The following UPK3A variants were observed in gnomAD, a reference collection of about 807,000 sequenced individuals.
UPK3A encodes the protein uroplakin 3A, also known as uroplakin-3a.
UPK3A carries 32 observed loss-of-function variants against 27.6 expected under a neutral mutation model. The ratio of observed to expected loss-of-function variants is 1.16; its 90% CI spans 0.87 to 1.55. The LOEUF is 1.55. Among genes scored for constraint, UPK3A ranks in the 40% most tolerant of loss-of-function variants. UPK3A has a pLI of 0.00. For synonymous variants in UPK3A, 171 were observed against 163.9 expected, an observed-to-expected ratio of 1.04 and a Z score of -0.33; for missense variants, 370 against 367.9, an observed-to-expected ratio of 1.01 and a Z score of -0.05.
intron 4 of UPK3A, among the ~76,000 whole-genome samples, chr22:45,291,567 CGTGT>C (rs2084161449): frequency 8.3e-6 from 1 of 120,450 alleles, no homozygotes; most frequent in South Asian, 2.9e-4. Context: ...AGTGTGTGTG[CGTGT>C]GTAAGAGTTT....
intron 2 of UPK3A, among the ~76,000 whole-genome samples, chr22:45,286,735 T>A (rs1462967164): frequency 1.3e-5 from 2 of 152,172 alleles, no homozygotes; most frequent in African/African-American, 4.8e-5. Context: ...GTAGGGAATT[T>A]CTCTCCCATT....
rs763902005 is a variant in UPK3A at position 45,287,244 on chromosome 22, G to C, written c.281G>C (p.Gly94Ala). Reference protein sequence around the residue: ...PLGSTFLQTEGGRTGPYKAVA... With the variant: ...PLGSTFLQTEAGRTGPYKAVA... ...GGCTCAACGTTCCTACAAACAGAGG[G>C]TGGGAGGACAGGTCCCTACAAAGCT... Residue 94 changes from glycine (G) to alanine (A), a missense_variant, in exon 3 of 6, where the codon GGT (glycine) becomes GCT (alanine). Gly to Ala is a moderately conservative substitution (Grantham distance 60). Coordinates refer to ENST00000216211, the MANE Select transcript of UPK3A (RefSeq NM_006953.4). 1 of 1,614,228 alleles carries C rather than the reference G, an allele frequency of 6.2e-7. No homozygotes were observed. Among genetic ancestry groups the C allele is most frequent in the Non-Finnish European group, 8.5e-7 (1 of 1,180,048 alleles).
Position 45,293,255 on chromosome 22 carries a change from G to T in UPK3A, c.646G>T (p.Gly216Cys). 1 of 1,614,116 alleles carries T rather than the reference G, an allele frequency of 6.2e-7. No homozygotes were observed. ...CATGATCGTCATCACTTCCATCCTGGGCTCCCTGCCCTTCTTTCTACTTGT... is the reference window on the plus strand; with the variant it reads ...CATGATCGTCATCACTTCCATCCTGTGCTCCCTGCCCTTCTTTCTACTTGT... ...GGMIVITSIL[G>C]SLPFFLLVGF... The change falls in exon 5 of 6, where the codon GGC becomes TGC. Residue 216 changes from glycine (G) to cysteine (C), a missense_variant. Coordinates refer to ENST00000216211, the MANE Select transcript of UPK3A (RefSeq NM_006953.4).
At chr22:45,290,941 C>T (rs931127025) in intron 4 of UPK3A, among the ~76,000 whole-genome samples, 6 of 152,120 alleles carry the variant, frequency 3.9e-5, no homozygotes, top group Admixed American at 6.5e-5. Flanking sequence ...CAGATGGGAC[C>T]GTCTACTTGC....
rs1236867134 is a variant in UPK3A, at chr22:45,287,093, C to G, written c.209-79C>G. The G allele has an allele frequency of 4.4e-6, 7 of 1,598,474 alleles. No homozygotes were observed. In the Admixed American group the frequency reaches 6.7e-5, roughly 15 times the overall value. On this transcript the variant is annotated intron_variant, in intron 2 of 5. Transcript: ENST00000216211. Reference sequence around the variant, plus strand: ...ACAGAGCTGGGGCAGAAAGGATGATCAGGCATTTGATGAATAACTGAGTGA... The same window carrying G: ...ACAGAGCTGGGGCAGAAAGGATGATGAGGCATTTGATGAATAACTGAGTGA...
intron 5 of UPK3A, among the ~76,000 whole-genome samples, chr22:45,293,932 G>A (rs1255064344): frequency 6.6e-6 from 1 of 152,066 alleles, no homozygotes; most frequent in Non-Finnish European, 1.5e-5. Context: ...CTTTGGATGA[G>A]GACTTGAGGT....
rs772356393 is a variant in UPK3A, at chr22:45,286,076, T to C, written c.188T>C (p.Leu63Pro). Residue 63 changes from leucine to proline, a missense_variant, in exon 2 of 6, where the codon CTG becomes CCG. Transcript: ENST00000216211. The part of the protein sequence containing the change: ...EALTGTHEVY[L>P]YVLVDSAISR... ...CTCACTGGCACCCACGAGGTCTACC[T>C]GTATGTCCTGGTCGACTCAGGTAAG... 2.5e-6 allele frequency: 4 copies of C among 1,614,202 alleles called. No homozygotes were observed. The highest frequency in any genetic ancestry group is 3.4e-6 in the Non-Finnish European group (4 of 1,180,032).
chr22:45,292,528 G>A (rs950627369), intron 4 of UPK3A, among the ~76,000 whole-genome samples: 1 of 152,128 alleles, frequency 6.6e-6, no homozygotes, highest in African/African-American at 2.4e-5. Context: ...GTCAGACCAG[G>A]GCCCTTTGCC....
At chr22:45,293,374 C>T in intron 5 of UPK3A, 61 bp downstream of exon 5, 1 of 1,605,938 alleles carries the variant, frequency 6.2e-7, no homozygotes, top group South Asian at 1.1e-5. Flanking sequence ...ATTTGGCTCA[C>T]AGGGACTCAG....
intron 1 of UPK3A, 88 bp from the exon 2 acceptor site, chr22:45,285,853 G>C: frequency 3.2e-6 from 5 of 1,585,800 alleles, no homozygotes; most frequent in Non-Finnish European, 1.7e-6. Context: ...CCAGGGCCTG[G>C]CACACAACAC....
At chr22:45,289,494 C>G (rs1167836187) in intron 4 of UPK3A, among the ~76,000 whole-genome samples, 3 of 149,910 alleles carry the variant, frequency 2.0e-5, no homozygotes, top group Non-Finnish European at 4.4e-5. Context: ...GGGAGAATAG[C>G]GTGAACCCGG....
chr22:45,291,998 G>A (rs994766246), intron 4 of UPK3A, among the ~76,000 whole-genome samples: 7 of 152,022 alleles, frequency 4.6e-5, no homozygotes, highest in Admixed American at 1.3e-4. Context: ...GGCTGGGGTG[G>A]CTCCTCCCAT....
chr22:45,292,864 C>G (rs111651412), intron 4 of UPK3A, among the ~76,000 whole-genome samples: 17,002 of 151,034 alleles, frequency 0.11, 1,166 homozygotes, highest in African/African-American at 0.18. Context: ...GCCAGGATGG[C>G]GCCACTGCAC....
chr22:45,291,247 TGAGTGTGA>T (rs2084158376), intron 4 of UPK3A, among the ~76,000 whole-genome samples: 1 of 150,828 alleles, frequency 6.6e-6, no homozygotes, highest in Non-Finnish European at 1.5e-5. Flanking sequence ...GTGTGGTGTG[TGAGTGTGA>T]GAGTGTGTGT....
intron 4 of UPK3A, 115 bp from the exon 5 acceptor site, chr22:45,293,066 C>T (rs1420307398): frequency 6.6e-7 from 1 of 1,514,464 alleles, no homozygotes; most frequent in Non-Finnish European, 8.9e-7. Flanking sequence ...CACTGGGTCC[C>T]AGGGTCATCC....
chr22:45,288,615 G>A (rs2084136594), intron 3 of UPK3A, among the ~76,000 whole-genome samples: 1 of 152,266 alleles, frequency 6.6e-6, no homozygotes, highest in Non-Finnish European at 1.5e-5. Flanking sequence ...TTACAGGCGT[G>A]AGCCACCATG....
In UPK3A at chr22:45,286,172, T is replaced by C. The variant is rs1019511555; in HGVS notation, c.208+76T>C. The C allele has an allele frequency of 1.6e-5, 25 of 1,579,498 alleles. No individual in the cohort carries two copies. The East Asian group carries it at 5.5e-4, about 34-fold the overall frequency. On this transcript the variant is annotated intron_variant, in intron 2 of 5. Coordinates refer to ENST00000216211, the MANE Select transcript of UPK3A (RefSeq NM_006953.4). ...TGCAGGGAGGAGGGAAGGAGGCAGA[T>C]AGAGGAACCCTCCATGCCTGTAGTC... is the stretch of plus-strand genomic sequence containing the variant.
rs756563610 is a variant in UPK3A, at chr22:45,287,305, C to T, written c.342C>T (p.Pro114=). The T allele has an allele frequency of 1.2e-6, 2 of 1,614,228 alleles. No individual in the cohort carries two copies. Among genetic ancestry groups the T allele is most frequent in the Non-Finnish European group, 1.7e-6 (2 of 1,180,046 alleles). Reference sequence around the variant, plus strand: ...ACCTGATCCCCTGCAGTGACCTGCCCAGCCTGGATGCCATTGGGGATGTGT... The same window carrying T: ...ACCTGATCCCCTGCAGTGACCTGCCTAGCCTGGATGCCATTGGGGATGTGT... The part of the protein sequence containing the change: ...AFDLIPCSDL[P]SLDAIGDVSK... The change falls in exon 3 of 6, where the codon CCC becomes CCT. Residue 114 remains proline (P), a synonymous_variant. Coordinates refer to ENST00000216211, the MANE Select transcript of UPK3A (RefSeq NM_006953.4).
At chr22:45,289,218 C>A in intron 4 of UPK3A, 75 bp downstream of exon 4, 1 of 1,463,868 alleles carries the variant, frequency 6.8e-7, no homozygotes, top group Non-Finnish European at 9.5e-7. Flanking sequence ...CGGTGAGAAC[C>A]AAGGCTCCTC....
Sources: gnomAD v4.1 joint callset for allele counts (sites outside exome capture counted in the v4.1 genomes callset) on GRCh38, gnomAD v4.1.1 for gene constraint, MANE v1.5 for transcripts, NCBI Gene and HGNC (gene_info 2026-07-23, HGNC 2026-07-21) for gene names.